ZNF337: variants seen among roughly 807,000 people sequenced by gnomAD.
ZNF337 encodes zinc finger protein 337.
ZNF337 carries 8 observed loss-of-function variants against 12.1 expected under a neutral mutation model. The ratio of observed to expected loss-of-function variants is 0.66; its 90% CI spans 0.39 to 1.19. ZNF337 has a LOEUF of 1.19. ZNF337 is among the 50% of genes most tolerant of loss of function. ZNF337 has a pLI of 0.01. For synonymous variants in ZNF337, 336 were observed against 320.0 expected, an observed-to-expected ratio of 1.05 and a Z score of -0.53; for missense variants, 882 against 896.6, an observed-to-expected ratio of 0.98 and a Z score of 0.21.
rs2065662249 is a variant in ZNF337, at chr20:25,675,139, C to T, written c.2149G>A (p.Glu717Lys). 6.2e-7 allele frequency: 1 copy of T among 1,614,104 alleles called. No homozygotes were observed. Residue 717 changes from glutamate to lysine, a missense_variant, in exon 5 of 5, where the codon GAG (glutamate) becomes AAG (lysine). Physicochemically the swap from Glu to Lys is moderately conservative, Grantham distance 56. Coordinates refer to ENST00000252979, the MANE Select transcript of ZNF337 (RefSeq NM_015655.4). ...HTGERPYECQ[E>K]CGRKFSNKSY... ...TTATTGCTAAACTTTCGTCCACACT[C>T]TTGGCATTCATAAGGCCTCTCTCCT...
chr20:25,687,237 A>G (rs2065842370), intron 1 of ZNF337, among the ~76,000 whole-genome samples: 1 of 152,216 alleles, frequency 6.6e-6, no homozygotes, highest in South Asian at 2.1e-4. Context: ...CTCACCCTCA[A>G]AAGTCAATTG....
intron 1 of ZNF337, among the ~76,000 whole-genome samples, chr20:25,688,565 CTT>C (rs1382135119): frequency 6.6e-6 from 1 of 152,172 alleles, no homozygotes; most frequent in Non-Finnish European, 1.5e-5. Context: ...CACACATAAC[CTT>C]TGTTTCATTA....
At chr20:25,686,177 T>G in intron 2 of ZNF337, 55 bp from the exon 3 acceptor site, 1 of 1,608,782 alleles carries the variant, frequency 6.2e-7, no homozygotes, top group Non-Finnish European at 8.5e-7. Flanking sequence ...CTCACGCAGT[T>G]GGAGGATTCC....
At position 25,675,612 on chromosome 20, in the gene ZNF337, A is replaced by T. The variant is rs772747003; in HGVS notation, c.1676T>A (p.Leu559His). 1.9e-6 allele frequency: 3 copies of T among 1,613,846 alleles called. No individual in the cohort carries two copies. The highest frequency in any genetic ancestry group is 2.5e-6 in the Non-Finnish European group (3 of 1,179,968). ...CEKSFSLKAN[L>H]LRHQWTHSGE... ...CGAGTGTGTCCACTGATGTCTAAGA[A>T]GATTTGCCTTCAAACTAAAACTTTT... The change falls in exon 5 of 5, where the codon CTT becomes CAT. Residue 559 changes from leucine (L) to histidine (H), a missense_variant. Leu to His is a moderately conservative substitution (Grantham distance 99, BLOSUM62 -3). Coordinates refer to ENST00000252979, the MANE Select transcript of ZNF337 (RefSeq NM_015655.4).
chr20:25,683,921 C>CTA lies in ZNF337; in HGVS notation c.250+1644_250+1645dup, dbSNP rs1357172547. 2.0e-5 allele frequency among the ~76,000 whole-genome samples: 3 copies of CTA among 152,064 alleles called. No homozygotes were observed. In the East Asian group the frequency reaches 5.8e-4, roughly 29 times the overall value. Reference sequence around the variant, plus strand: ...ATGCACACGTATGTTTATTGCAGCACTATACACAATAGCAAAGACTTGGAA... The same window carrying CTA: ...ATGCACACGTATGTTTATTGCAGCACTATATACACAATAGCAAAGACTTGGAA... On this transcript the variant is annotated intron_variant, in intron 4 of 4. Coordinates refer to ENST00000252979, the MANE Select transcript of ZNF337 (RefSeq NM_015655.4).
chr20:25,675,023 G>C lies in ZNF337; in HGVS notation c.*9C>G. The C allele has an allele frequency of 6.2e-7, 1 of 1,608,492 alleles. No individual in the cohort carries two copies. ...GAGTGTGTCCTCTGATGGATGGTGAGATATAACTTCAAGATGAAGCCTCAC... is the reference window on the plus strand; with the variant it reads ...GAGTGTGTCCTCTGATGGATGGTGACATATAACTTCAAGATGAAGCCTCAC... On this transcript the variant is annotated 3_prime_UTR_variant, in exon 5 of 5. Coordinates refer to ENST00000252979, the MANE Select transcript of ZNF337 (RefSeq NM_015655.4).
Position 25,676,757 on chromosome 20 carries a change from C to T in ZNF337, c.531G>A (p.Trp177Ter). The stretch of plus-strand genomic sequence containing the variant: ...CACGCTCTGCACACTTGAATGCTCC[C>T]CATCTTGAATTTTCTATTCCTTTCA... ...KVLKGIENSR[W>*]GAFKCAERGQ... The change falls in exon 5 of 5, where the codon TGG (tryptophan) becomes TGA (stop). Residue 177 changes from tryptophan (W) to a stop codon, truncating the protein, a stop_gained. Coordinates refer to ENST00000252979, the MANE Select transcript of ZNF337 (RefSeq NM_015655.4). LOFTEE classifies it low-confidence loss of function (END_TRUNC). 2 of 1,614,210 alleles carry T rather than the reference C, an allele frequency of 1.2e-6. No homozygotes were observed. Among genetic ancestry groups the T allele is most frequent in the Non-Finnish European group, 1.7e-6 (2 of 1,180,042 alleles).
intron 2 of ZNF337, 26 bp from the exon 3 acceptor site, chr20:25,686,148 C>A: frequency 6.2e-7 from 1 of 1,613,538 alleles, no homozygotes. Context: ...CAGGCATGCT[C>A]ACCAGGGACA....
chr20:25,675,730 C>T lies in ZNF337; in HGVS notation c.1558G>A (p.Asp520Asn), dbSNP rs1486008709. ...HLGEKRFFCR[D>N]CGRGFTLKPN... ...TTCAAGGTAAAGCCTCGCCCACAAT[C>T]CCTGCAGAAAAAACGTTTCTCACCC... Residue 520 changes from aspartate (D) to asparagine (N), a missense_variant, in exon 5 of 5, where the codon GAT (aspartate) becomes AAT (asparagine). By Grantham distance (23) the Asp-to-Asn change is conservative. Transcript: ENST00000252979. 1.2e-6 allele frequency: 2 copies of T among 1,613,820 alleles called. No homozygotes were observed. The highest frequency in any genetic ancestry group is 2.7e-5 in the African/African-American group (2 of 74,844).
Position 25,676,957 on chromosome 20 carries a change from G to C in ZNF337, c.331C>G (p.Gln111Glu), listed in dbSNP as rs2065705515. Residue 111 changes from glutamine (Q) to glutamate (E), a missense_variant, in exon 5 of 5, where the codon CAA becomes GAA. Transcript: ENST00000252979. ...TCAGCTGTGTCACTCTGGAAGCTTT[G>C]ATCAGAAAATTGTAGTTGCTGTTGC... is the stretch of plus-strand genomic sequence containing the variant. ...QRQQQLQFSD[Q>E]SFQSDTAEGQ... 6.2e-7 allele frequency: 1 copy of C among 1,614,004 alleles called. No homozygotes were observed. The highest frequency in any genetic ancestry group is 1.7e-5 in the Admixed American group (1 of 59,980).
intron 4 of ZNF337, among the ~76,000 whole-genome samples, chr20:25,682,070 T>G (rs943976473): frequency 6.6e-6 from 1 of 152,034 alleles, no homozygotes; most frequent in African/African-American, 2.4e-5. Context: ...CAACATTTGC[T>G]TCACAAAAAA....
chr20:25,681,740 T>C (rs1355335617), intron 4 of ZNF337, among the ~76,000 whole-genome samples: 1 of 152,216 alleles, frequency 6.6e-6, no homozygotes, highest in African/African-American at 2.4e-5. Context: ...AAGTTATGCA[T>C]ATGTCAAAGC....
At chr20:25,692,821 A>C (rs2065892408) in intron 1 of ZNF337, among the ~76,000 whole-genome samples, 2 of 152,296 alleles carry the variant, frequency 1.3e-5, no homozygotes, top group East Asian at 1.9e-4. Flanking sequence ...TAGCTCCTCC[A>C]CGTATATTTC....
intron 1 of ZNF337, among the ~76,000 whole-genome samples, chr20:25,696,342 G>A (rs2065928613): frequency 6.6e-6 from 1 of 152,074 alleles, no homozygotes. Flanking sequence ...CACCCCACCA[G>A]TGGACCCTGG....
chr20:25,686,753 A>G, intron 1 of ZNF337: 1 of 356,648 alleles, frequency 2.8e-6, no homozygotes, highest in Non-Finnish European at 5.1e-6. Context: ...ATTTAAGGTT[A>G]GGGCTCAGAG....
chr20:25,673,430 G>T lies in ZNF337; in HGVS notation c.*1602C>A, dbSNP rs937900807. On this transcript the variant is annotated 3_prime_UTR_variant, in exon 5 of 5. Transcript: ENST00000252979. ...AGCTGGCCTTAATTGTGAAGGTTCT[G>T]TGGTAATGAATGGTGGAAATGCTAT... is the stretch of plus-strand genomic sequence containing the variant. Among the ~76,000 whole-genome samples the T allele has an allele frequency of 6.6e-6, 1 of 152,230 alleles. No homozygotes were observed. Among genetic ancestry groups the T allele is most frequent in the African/African-American group, 2.4e-5 (1 of 41,454 alleles).
chr20:25,687,138 G>T (rs1003528369), intron 1 of ZNF337, among the ~76,000 whole-genome samples: 1 of 152,016 alleles, frequency 6.6e-6, no homozygotes, highest in African/African-American at 2.4e-5. Context: ...AAGTATTTTG[G>T]GTTTTAAAAA....
At position 25,676,515 on chromosome 20, in the gene ZNF337, T is replaced by C. The variant is rs2065694705; in HGVS notation, c.773A>G (p.His258Arg). The C allele has an allele frequency of 3.1e-6, 5 of 1,614,154 alleles. No individual in the cohort carries two copies. In the East Asian group the frequency reaches 1.1e-4, roughly 36 times the overall value. The change falls in exon 5 of 5, where the codon CAC becomes CGC. Residue 258 changes from histidine (H) to arginine (R), a missense_variant. Physicochemically the swap from His to Arg is conservative, Grantham distance 29 (BLOSUM62 0). Transcript: ENST00000252979. ...KANLLRHQRT[H>R]SGEKPFLCKV... The stretch of plus-strand genomic sequence containing the variant: ...GCACAGAAAAGGCTTCTCTCCTGAG[T>C]GTGTCCTCTGGTGTCTGAGGAGGTT...
At position 25,676,158 on chromosome 20, in the gene ZNF337, G is replaced by A. The variant is rs575478110; in HGVS notation, c.1130C>T (p.Ala377Val). ...QRTHSGEKPF[A>V]CRQCKQSFSV... ...AAAACTTTGCTTACACTGCCTGCAC[G>A]CAAAGGGCTTCTCCCCTGAGTGTGT... Residue 377 changes from alanine to valine, a missense_variant, in exon 5 of 5, where the codon GCG (alanine) becomes GTG (valine). By Grantham distance (64) the Ala-to-Val change is moderately conservative. Coordinates refer to ENST00000252979, the MANE Select transcript of ZNF337 (RefSeq NM_015655.4). The A allele has an allele frequency of 2.0e-5, 32 of 1,599,946 alleles. No individual in the cohort carries two copies. In the East Asian group the frequency reaches 2.3e-4, roughly 11 times the overall value.
Sources: allele counts gnomAD v4.1 joint callset (sites outside exome capture counted in the v4.1 genomes callset), GRCh38; gene constraint gnomAD v4.1.1; transcripts MANE v1.5; gene names NCBI Gene and HGNC (gene_info 2026-07-23, HGNC 2026-07-21).